The following CAPNS1 variants were observed in gnomAD, a reference collection of about 807,000 sequenced individuals.
CAPNS1 encodes the protein calpain small subunit 1.
Under a neutral mutation model 39.2 loss-of-function variants are expected in CAPNS1, and 32 were observed. The observed-to-expected ratio is 0.82, with a 90% CI of 0.62 to 1.10. The LOEUF (loss-of-function observed/expected upper bound fraction) is 1.10. Among genes scored for constraint, CAPNS1 ranks in the 50% least tolerant of loss-of-function variants. The pLI is 0.00. For synonymous variants in CAPNS1, 153 were observed against 136.2 expected (o/e 1.12, Z -0.86); for missense variants, 353 against 373.1 (o/e 0.95, Z 0.44).
chr19:36,142,508 G>A, intron 3 of CAPNS1, 144 bp from the exon 4 acceptor site: 1 of 718,550 alleles, frequency 1.4e-6, no homozygotes. Flanking sequence ...CCACATACGT[G>A]CACCCCATTC....
At position 36,141,032 on chromosome 19, in the gene CAPNS1, C is replaced by T. The variant is rs749576552; in HGVS notation, c.21C>T (p.Phe7=). Residue 7 remains phenylalanine, a synonymous_variant, in exon 2 of 11, where the codon TTC becomes TTT. Transcript: ENST00000246533. Reference sequence around the variant, plus strand: ...CAGCCATGTTCCTGGTTAACTCGTTCTTGAAGGGCGGCGGCGGCGGCGGCG... The same window carrying T: ...CAGCCATGTTCCTGGTTAACTCGTTTTTGAAGGGCGGCGGCGGCGGCGGCG... MFLVNS[F]LKGGGGGGGG... The T allele has an allele frequency of 1.3e-6, 2 of 1,499,050 alleles. No individual in the cohort carries two copies. The highest frequency in any genetic ancestry group is 1.8e-6 in the Non-Finnish European group (2 of 1,105,538). 92.9% of individuals were successfully genotyped at this position (1,499,050 alleles called of 1,614,324 possible). A position where few individuals can be genotyped will look rare whatever the true frequency, so the allele number is the denominator to read the frequency against.
At chr19:36,148,546 C>T (rs1297417107) in intron 9 of CAPNS1, among the ~76,000 whole-genome samples, 1 of 145,628 alleles carries the variant, frequency 6.9e-6, no homozygotes, top group Non-Finnish European at 1.5e-5. Flanking sequence ...CATGGTGGCT[C>T]ACTCCTGTAA....
rs920029403 is a variant in CAPNS1 at position 36,149,980 on chromosome 19, T to C, written c.*141T>C. ...CAAGCTTTTGTTCTCTCAGTACTTGTTACCCAGCTTCTCAACATCCAGGGC... is the reference window on the plus strand; with the variant it reads ...CAAGCTTTTGTTCTCTCAGTACTTGCTACCCAGCTTCTCAACATCCAGGGC... On this transcript the variant is annotated 3_prime_UTR_variant, in exon 11 of 11. Coordinates refer to ENST00000246533, the MANE Select transcript of CAPNS1 (RefSeq NM_001749.4). 6 of 767,212 alleles carry C rather than the reference T, an allele frequency of 7.8e-6. No individual in the cohort carries two copies. The African/African-American group carries it at 1.1e-4, about 14-fold the overall frequency. 47.5% of individuals were successfully genotyped at this position (767,212 alleles called of 1,614,324 possible).
At chr19:36,145,731 C>A in intron 6 of CAPNS1, 75 bp from the exon 7 acceptor site, 2 of 1,315,802 alleles carry the variant, frequency 1.5e-6, no homozygotes, top group South Asian at 1.3e-5. Flanking sequence ...CTTGCTGTAT[C>A]ACCATCGTGT....
intron 1 of CAPNS1, chr19:36,140,703 G>C: frequency 2.8e-6 from 1 of 354,628 alleles, no homozygotes; most frequent in East Asian, 5.4e-5. Context: ...AACGCCTTAC[G>C]CCAACTTGGG....
In CAPNS1 at chr19:36,145,868, G is replaced by C. The variant is rs1974544630; in HGVS notation, c.519G>C (p.Arg173Ser). ...EFKYLWNNIK[R>S]WQAIYKQFDT... ...AGTACTTGTGGAACAACATCAAAAG[G>C]TGGCAGGTGTGTAGAAACCTCTGAA... Residue 173 changes from arginine (R) to serine (S), a missense_variant, in exon 7 of 11, where the codon AGG (arginine) becomes AGC (serine). Physicochemically the swap from Arg to Ser is moderately radical, Grantham distance 110. Coordinates refer to ENST00000246533, the MANE Select transcript of CAPNS1 (RefSeq NM_001749.4). The C allele has an allele frequency of 6.2e-7, 1 of 1,614,058 alleles. No homozygotes were observed. The highest frequency in any genetic ancestry group is 8.5e-7 in the Non-Finnish European group (1 of 1,180,026).
intron 9 of CAPNS1, 147 bp from the exon 10 acceptor site, chr19:36,149,431 C>A: frequency 1.6e-6 from 1 of 643,030 alleles, no homozygotes; most frequent in Non-Finnish European, 2.4e-6. Context: ...ACCTGGAAAG[C>A]ACTTTACCCC....
chr19:36,140,909 C>T, intron 1 of CAPNS1, 88 bp from the exon 2 acceptor site: 5 of 1,566,668 alleles, frequency 3.2e-6, no homozygotes, highest in East Asian at 5.1e-5. Context: ...TCAGATTCCT[C>T]CCAGGTCCAG....
chr19:36,140,684 C>A (rs17886770), intron 1 of CAPNS1: 9,293 of 321,626 alleles, frequency 0.029, 198 homozygotes, highest in Non-Finnish European at 0.036. Context: ...AGCGCCCAGA[C>A]ATGTCGGGAA....
intron 6 of CAPNS1, among the ~76,000 whole-genome samples, chr19:36,144,573 A>C (rs1974498477): frequency 6.6e-6 from 1 of 152,142 alleles, no homozygotes; most frequent in Admixed American, 6.6e-5. Flanking sequence ...TTATAGAGAA[A>C]AGCTTTCACT....
chr19:36,142,613 G>T (rs1201451725), intron 3 of CAPNS1, 39 bp from the exon 4 acceptor site: 5 of 1,577,688 alleles, frequency 3.2e-6, no homozygotes, highest in South Asian at 1.1e-5. Flanking sequence ...TCCTGGCCGG[G>T]TTCCCCTCCC....
intron 9 of CAPNS1, among the ~76,000 whole-genome samples, chr19:36,148,515 A>C (rs1385684386): frequency 6.9e-6 from 1 of 145,400 alleles, no homozygotes; most frequent in Non-Finnish European, 1.5e-5. Context: ...ACCGTCTAAA[A>C]AAAAAAAAAA....
At chr19:36,142,880 C>G (rs757838403) in intron 4 of CAPNS1, 29 bp from the exon 5 acceptor site, 1 of 1,613,558 alleles carries the variant, frequency 6.2e-7, no homozygotes, top group Non-Finnish European at 8.5e-7. Context: ...TTCAGTCACC[C>G]CTGACCTGCC....
intron 2 of CAPNS1, chr19:36,141,526 C>T: frequency 9.1e-6 from 11 of 1,208,032 alleles, no homozygotes; most frequent in Non-Finnish European, 1.1e-5. Context: ...TGGGTCTGGG[C>T]TCAGCCTGCA....
chr19:36,142,815 C>T, intron 4 of CAPNS1, 74 bp downstream of exon 4: 4 of 1,584,362 alleles, frequency 2.5e-6, no homozygotes, highest in African/African-American at 2.7e-5. Context: ...TGCACACACA[C>T]CCTTGACCAT....
At chr19:36,141,549 G>C (rs1047265232) in intron 2 of CAPNS1, 2 of 1,173,456 alleles carry the variant, frequency 1.7e-6, no homozygotes, top group Non-Finnish European at 2.1e-6. Context: ...GGCTAACCTG[G>C]AGATGAACGT....
intron 1 of CAPNS1, 169 bp from the exon 2 acceptor site, chr19:36,140,828 G>T (rs1351340192): frequency 1.0e-6 from 1 of 961,662 alleles, no homozygotes; most frequent in Non-Finnish European, 1.5e-6. Flanking sequence ...TTGCAAACCT[G>T]ATCCCCCATA....
intron 9 of CAPNS1, among the ~76,000 whole-genome samples, chr19:36,149,098 T>A (rs560922787): frequency 6.6e-6 from 1 of 152,286 alleles, no homozygotes; most frequent in South Asian, 2.1e-4. Flanking sequence ...AGAGGTGATA[T>A]CAGTACACAG....
intron 10 of CAPNS1, 82 bp downstream of exon 10, chr19:36,149,718 C>T (rs748228998): frequency 6.3e-7 from 1 of 1,591,302 alleles, no homozygotes; most frequent in South Asian, 1.1e-5. Flanking sequence ...GCTGCAGTCC[C>T]CTTCCTCCTA....
Sources: allele counts gnomAD v4.1 joint callset (sites outside exome capture counted in the v4.1 genomes callset), GRCh38; gene constraint gnomAD v4.1.1; transcripts MANE v1.5; gene names NCBI Gene and HGNC (gene_info 2026-07-23, HGNC 2026-07-21).